RALGAPA1: variants seen among roughly 807,000 people sequenced by gnomAD.
RALGAPA1 encodes ral GTPase-activating protein subunit alpha-1.
A neutral mutation model predicts 269.6 loss-of-function variants in RALGAPA1; 52 were observed. The observed-to-expected ratio is 0.19, with a 90% CI of 0.15 to 0.24. RALGAPA1 has a LOEUF of 0.24. Ranked by LOEUF, RALGAPA1 falls within the 10% of genes least tolerant of loss-of-function variation. RALGAPA1 has a pLI of 1.00. For synonymous variants in RALGAPA1, 817 were observed against 1,008.3 expected, an observed-to-expected ratio of 0.81 and a Z score of 3.60; for missense variants, 1,917 against 3,013.9, an observed-to-expected ratio of 0.64 and a Z score of 8.52.
intron 10 of RALGAPA1, chr14:35,748,380 T>G: frequency 9.5e-6 from 1 of 105,704 alleles, no homozygotes; most frequent in Non-Finnish European, 1.5e-5. Flanking sequence ...CTCTCGCTCT[T>G]TTTTTTTTTT....
rs1380016234 is a variant in RALGAPA1, at chr14:35,627,343, A to G, written c.6604T>C (p.Leu2202=). The G allele has an allele frequency of 5.0e-6, 8 of 1,612,270 alleles. No homozygotes were observed. Among genetic ancestry groups the G allele is most frequent in the Non-Finnish European group, 6.8e-6 (8 of 1,179,672 alleles). ...TTAAGTGAGATTCCAGTTCTCTGTA[A>G]GCATTCAGGACTAGTAACACCCAAA... ...QYLGVTSPEC[L]QRTGISLNIP... The change falls in exon 34 of 42, where the codon TTA becomes CTA. Residue 2202 remains leucine (L), a synonymous_variant. Coordinates refer to ENST00000680220, the MANE Select transcript of RALGAPA1 (RefSeq NM_001346249.2).
chr14:35,605,398 A>T (rs2059537001), intron 36 of RALGAPA1, among the ~76,000 whole-genome samples, 188 bp downstream of exon 36: 1 of 152,172 alleles, frequency 6.6e-6, no homozygotes, highest in Non-Finnish European at 1.5e-5. Flanking sequence ...AAAATAGTCA[A>T]CATCTTTCCT....
chr14:35,614,539 T>C (rs770172400), intron 35 of RALGAPA1, among the ~76,000 whole-genome samples: 1 of 152,082 alleles, frequency 6.6e-6, no homozygotes, highest in Non-Finnish European at 1.5e-5. Context: ...AAAGTAGATA[T>C]GTGTTATCTA....
At chr14:35,806,655 C>T (rs1331651240) in intron 1 of RALGAPA1, among the ~76,000 whole-genome samples, 1 of 152,076 alleles carries the variant, frequency 6.6e-6, no homozygotes, top group Non-Finnish European at 1.5e-5. Context: ...TCTGTTTGGT[C>T]CCATATGAAC....
intron 17 of RALGAPA1, among the ~76,000 whole-genome samples, chr14:35,691,009 C>T (rs1168523241): frequency 1.3e-5 from 2 of 151,394 alleles, no homozygotes; most frequent in Non-Finnish European, 2.9e-5. Flanking sequence ...GCAGAGGCTG[C>T]GGTGAGCCGA....
intron 25 of RALGAPA1, among the ~76,000 whole-genome samples, chr14:35,672,096 T>TA (rs2064502627): frequency 1.3e-5 from 2 of 152,198 alleles, no homozygotes; most frequent in Admixed American, 6.5e-5. Context: ...CAACTTATCT[T>TA]AAACAAAAGC....
intron 37 of RALGAPA1, among the ~76,000 whole-genome samples, chr14:35,577,128 A>G (rs991300038): frequency 3.3e-5 from 5 of 152,150 alleles, no homozygotes; most frequent in African/African-American, 7.2e-5. Context: ...CTCACAAACC[A>G]TCTGTTTAAT....
intron 16 of RALGAPA1, among the ~76,000 whole-genome samples, chr14:35,716,558 T>G (rs76657305): frequency 0.022 from 3,310 of 152,182 alleles, 122 homozygotes; most frequent in African/African-American, 0.075. Context: ...TTATCACACC[T>G]AAGAAAATTA....
At chr14:35,784,439 C>G (rs1435631636) in intron 1 of RALGAPA1, among the ~76,000 whole-genome samples, 1 of 152,120 alleles carries the variant, frequency 6.6e-6, no homozygotes, top group Non-Finnish European at 1.5e-5. Context: ...TGGAAAGTAT[C>G]TAATGGCTGG....
chr14:35,786,291 T>C (rs1490999423), intron 1 of RALGAPA1, among the ~76,000 whole-genome samples: 1 of 152,086 alleles, frequency 6.6e-6, no homozygotes, highest in Non-Finnish European at 1.5e-5. Flanking sequence ...TTTTAAAAAG[T>C]AGAGTGATAC....
At chr14:35,600,192 A>G (rs775182430) in intron 36 of RALGAPA1, among the ~76,000 whole-genome samples, 119 of 88,212 alleles carry the variant, frequency 1.3e-3, no homozygotes, top group Non-Finnish European at 2.6e-3. Flanking sequence ...CATTATTTTT[A>G]GGTTTCTTTT....
At chr14:35,561,506 GTTTTTTTTTTTT>G (rs750062810) in intron 39 of RALGAPA1, among the ~76,000 whole-genome samples, 5 of 72,898 alleles carry the variant, frequency 6.9e-5, no homozygotes, top group Admixed American at 1.9e-4. Flanking sequence ...TAATATAGGA[GTTTTTTTTTTTT>G]TTTTTTTTTT....
intron 4 of RALGAPA1, 85 bp from the exon 5 acceptor site, chr14:35,762,838 A>T: frequency 1.2e-6 from 1 of 820,842 alleles, no homozygotes; most frequent in Non-Finnish European, 2.1e-6. Context: ...AAACACTTTT[A>T]AATAAGTCCT....
chr14:35,644,139 C>T (rs1244485372), intron 31 of RALGAPA1, among the ~76,000 whole-genome samples: 2 of 152,066 alleles, frequency 1.3e-5, no homozygotes, highest in African/African-American at 2.4e-5. Flanking sequence ...GTCAAAATAT[C>T]CCATGCACTC....
intron 32 of RALGAPA1, among the ~76,000 whole-genome samples, chr14:35,635,165 C>T (rs1473572111): frequency 1.4e-5 from 2 of 140,086 alleles, no homozygotes; most frequent in African/African-American, 6.1e-5. Flanking sequence ...GAGTGAAACT[C>T]CGTTTCAATA....
intron 38 of RALGAPA1, among the ~76,000 whole-genome samples, chr14:35,571,859 C>A (rs1332037380): frequency 1.3e-5 from 2 of 152,112 alleles, no homozygotes; most frequent in South Asian, 4.1e-4. Flanking sequence ...CCTGAAGAAA[C>A]CTAAATTCAC....
chr14:35,630,647 C>A (rs929997509), intron 33 of RALGAPA1, among the ~76,000 whole-genome samples: 1 of 152,142 alleles, frequency 6.6e-6, no homozygotes, highest in East Asian at 1.9e-4. Context: ...GTAATCCCAG[C>A]ACTTTGGGAA....
intron 19 of RALGAPA1, 37 bp from the exon 20 acceptor site, chr14:35,685,182 G>T (rs2065812844): frequency 6.6e-7 from 1 of 1,517,814 alleles, no homozygotes; most frequent in Admixed American, 2.1e-5. Flanking sequence ...TTAAGAAAAA[G>T]CTTTTATTCT....
intron 35 of RALGAPA1, among the ~76,000 whole-genome samples, chr14:35,609,621 A>C (rs943215362): frequency 6.6e-6 from 1 of 152,100 alleles, no homozygotes; most frequent in African/African-American, 2.4e-5. Flanking sequence ...CATACCAATA[A>C]CCAAACCTTC....
Sources: gnomAD v4.1 joint callset for allele counts (sites outside exome capture counted in the v4.1 genomes callset) on GRCh38, gnomAD v4.1.1 for gene constraint, MANE v1.5 for transcripts, NCBI Gene and HGNC (gene_info 2026-07-23, HGNC 2026-07-21) for gene names.